NOPCHAP1: variants seen among roughly 807,000 people sequenced by gnomAD.
NOPCHAP1 encodes the protein NOP protein chaperone 1.
NOPCHAP1 carries 13 observed loss-of-function variants against 14.0 expected under a neutral mutation model. That is an observed-to-expected ratio of 0.93 (90% CI 0.60 to 1.47). NOPCHAP1 has a LOEUF of 1.47. Among genes scored for constraint, NOPCHAP1 ranks in the 40% most tolerant of loss-of-function variants. The probability of loss-of-function intolerance (pLI) is 0.00; values close to 1 mark genes in which losing one functional copy is unlikely to be tolerated. For synonymous variants in NOPCHAP1, 78 were observed against 78.4 expected (o/e 1.00, Z 0.03); for missense variants, 230 against 226.9 (o/e 1.01, Z -0.09).
chr12:104,998,084 A>T lies in NOPCHAP1; in HGVS notation c.*3388A>T, dbSNP rs1873533492. 2.0e-5 allele frequency: 3 copies of T among 152,100 alleles called. No individual in the cohort carries two copies. The highest frequency in any genetic ancestry group is 4.4e-5 in the Non-Finnish European group (3 of 68,032). The allele number at this position is 152,100 out of a possible 1,614,324, so 9.4% of individuals were successfully genotyped here. A position where few individuals can be genotyped will look rare whatever the true frequency, so the allele number is the denominator to read the frequency against. ...TCTTATAATGGCCGTTTTGTTTATCAGCTTCTGTATCATTTTATTGTAATC... is the reference window on the plus strand; with the variant it reads ...TCTTATAATGGCCGTTTTGTTTATCTGCTTCTGTATCATTTTATTGTAATC... On this transcript the variant is annotated 3_prime_UTR_variant, in exon 4 of 4. Transcript: ENST00000552951.
rs1199228578 is a variant in NOPCHAP1, at chr12:104,991,871, T to C, written c.339+23T>C. ...ATGGTAACTATGCTTTGTTTTCATA[T>C]GGTGAAATTACTGGTCTGCCTGTCA... is the stretch of plus-strand genomic sequence containing the variant. On this transcript the variant is annotated intron_variant, in intron 3 of 3. Transcript: ENST00000552951. The C allele has an allele frequency of 1.9e-6, 3 of 1,580,854 alleles. No homozygotes were observed. The Admixed American group carries it at 5.9e-5, about 31-fold the overall frequency.
intron 2 of NOPCHAP1, among the ~76,000 whole-genome samples, chr12:104,989,411 G>A (rs1394828606): frequency 6.6e-6 from 1 of 152,118 alleles, no homozygotes; most frequent in Non-Finnish European, 1.5e-5. Context: ...TTGACAGTGT[G>A]GTTTTTTGCT....
chr12:105,010,985 A>G lies in NOPCHAP1; in HGVS notation c.*16289A>G, dbSNP rs999247332. The G allele has an allele frequency of 6.6e-6, 1 of 152,238 alleles. No individual in the cohort carries two copies. Among genetic ancestry groups the G allele is most frequent in the Non-Finnish European group, 1.5e-5 (1 of 68,028 alleles). 9.4% of individuals were successfully genotyped at this position (152,238 alleles called of 1,614,324 possible). Reference sequence around the variant, plus strand: ...GGAGTGGAGAGTTCTGTAGATGTCTATTAAGCACACTTGGTCCAGAGCTGA... The same window carrying G: ...GGAGTGGAGAGTTCTGTAGATGTCTGTTAAGCACACTTGGTCCAGAGCTGA... On this transcript the variant is annotated 3_prime_UTR_variant, in exon 4 of 4. Transcript: ENST00000552951.
rs1181514760 is a variant in NOPCHAP1, at chr12:105,004,539, G to A, written c.*9843G>A. The A allele has an allele frequency of 1.3e-5, 2 of 152,128 alleles. No homozygotes were observed. The highest frequency in any genetic ancestry group is 2.9e-5 in the Non-Finnish European group (2 of 68,036). 9.4% of individuals were successfully genotyped at this position (152,128 alleles called of 1,614,324 possible). On this transcript the variant is annotated 3_prime_UTR_variant, in exon 4 of 4. Coordinates refer to ENST00000552951, the MANE Select transcript of NOPCHAP1 (RefSeq NM_152318.3). The stretch of plus-strand genomic sequence containing the variant: ...TGAGCTCACTGGAGGCTGGGTGACA[G>A]AGCAAGACTGTGTCTCAAAACAAAT...
rs1175150895 is a variant in NOPCHAP1, at chr12:105,007,281, C to T, written c.*12585C>T. Reference sequence around the variant, plus strand: ...TTTGTGCCCGCTAGCGTAGCTGCAGCAATGGCTTCACAAATTTCCTTTTCT... The same window carrying T: ...TTTGTGCCCGCTAGCGTAGCTGCAGTAATGGCTTCACAAATTTCCTTTTCT... On this transcript the variant is annotated 3_prime_UTR_variant, in exon 4 of 4. Transcript: ENST00000552951. 6.6e-6 allele frequency: 1 copy of T among 152,172 alleles called. No individual in the cohort carries two copies. Among genetic ancestry groups the T allele is most frequent in the African/African-American group, 2.4e-5 (1 of 41,436 alleles). 9.4% of individuals were successfully genotyped at this position (152,172 alleles called of 1,614,324 possible).
intron 3 of NOPCHAP1, among the ~76,000 whole-genome samples, chr12:104,992,558 T>C (rs1336410972): frequency 6.6e-6 from 1 of 152,012 alleles, no homozygotes; most frequent in Non-Finnish European, 1.5e-5. Context: ...CTTCAAAGGG[T>C]CCATATGATC....
rs1873934232 is a variant in NOPCHAP1, at chr12:105,015,898, A to G, written c.*21202A>G. The G allele has an allele frequency of 2.0e-5, 3 of 152,110 alleles. No individual in the cohort carries two copies. In the South Asian group the frequency reaches 6.2e-4, roughly 32 times the overall value. 9.4% of individuals were successfully genotyped at this position (152,110 alleles called of 1,614,324 possible). Reference sequence around the variant, plus strand: ...TATCATATGCAAAGATAAATTATATATGGATTAAGGATTTAAATGTAAAAA... The same window carrying G: ...TATCATATGCAAAGATAAATTATATGTGGATTAAGGATTTAAATGTAAAAA... On this transcript the variant is annotated 3_prime_UTR_variant, in exon 4 of 4. Transcript: ENST00000552951.
rs555988466 is a variant in NOPCHAP1, at chr12:105,012,100, C to T, written c.*17404C>T. ...TGAAGAGTGTTTTCCAACTTGGTTC[C>T]ATTCTCCCTGTCACTTTCAGGTACA... On this transcript the variant is annotated 3_prime_UTR_variant, in exon 4 of 4. Transcript: ENST00000552951. 1 of 152,314 alleles carries T rather than the reference C, an allele frequency of 6.6e-6. No homozygotes were observed. Among genetic ancestry groups the T allele is most frequent in the South Asian group, 2.1e-4 (1 of 4,826 alleles). The allele number at this position is 152,314 out of a possible 1,614,324, so 9.4% of individuals were successfully genotyped here.
chr12:104,988,299 G>A, intron 2 of NOPCHAP1, 46 bp downstream of exon 2: 3 of 1,463,072 alleles, frequency 2.1e-6, no homozygotes, highest in Non-Finnish European at 2.9e-6. Flanking sequence ...GCTGAGTTTT[G>A]TCTGATTAAG....
At position 104,997,102 on chromosome 12, in the gene NOPCHAP1, T is replaced by C. The variant is rs574802507; in HGVS notation, c.*2406T>C. 1 of 152,340 alleles carries C rather than the reference T, an allele frequency of 6.6e-6. No homozygotes were observed. The highest frequency in any genetic ancestry group is 1.9e-4 in the East Asian group (1 of 5,190). 9.4% of individuals were successfully genotyped at this position (152,340 alleles called of 1,614,324 possible). A position where few individuals can be genotyped will look rare whatever the true frequency, so the allele number is the denominator to read the frequency against. On this transcript the variant is annotated 3_prime_UTR_variant, in exon 4 of 4. Transcript: ENST00000552951. ...CATTTACATTCAAGGTTAGTATTGA[T>C]ATGTGTGCATTTGATCCTGTCATCA...
Position 105,004,939 on chromosome 12 carries a change from G to T in NOPCHAP1, c.*10243G>T, listed in dbSNP as rs1414144441. Reference sequence around the variant, plus strand: ...TTACAATAAAGTAAGCTACGGAAAAGAAAATATCACTAAGGAAATCAGGAA... The same window carrying T: ...TTACAATAAAGTAAGCTACGGAAAATAAAATATCACTAAGGAAATCAGGAA... On this transcript the variant is annotated 3_prime_UTR_variant, in exon 4 of 4. Transcript: ENST00000552951. 2.0e-5 allele frequency: 3 copies of T among 152,110 alleles called. No homozygotes were observed. Among genetic ancestry groups the T allele is most frequent in the East Asian group, 3.8e-4 (2 of 5,198 alleles). The allele number at this position is 152,110 out of a possible 1,614,324, so 9.4% of individuals were successfully genotyped here.
chr12:104,988,283 T>G lies in NOPCHAP1; in HGVS notation c.202+30T>G, dbSNP rs766740251. On this transcript the variant is annotated intron_variant, in intron 2 of 3. Coordinates refer to ENST00000552951, the MANE Select transcript of NOPCHAP1 (RefSeq NM_152318.3). ...GTACCTCTTCCCCTCTCTCACCCTC[T>G]CTAATGCTGAGTTTTGTCTGATTAA... 3.3e-6 allele frequency: 5 copies of G among 1,530,320 alleles called. No homozygotes were observed. In the South Asian group the frequency reaches 5.7e-5, roughly 18 times the overall value. 94.8% of individuals were successfully genotyped at this position (1,530,320 alleles called of 1,614,324 possible).
chr12:105,012,220 T>A lies in NOPCHAP1; in HGVS notation c.*17524T>A, dbSNP rs906453517. 6.6e-6 allele frequency: 1 copy of A among 152,226 alleles called. No homozygotes were observed. The highest frequency in any genetic ancestry group is 2.4e-5 in the African/African-American group (1 of 41,452). The allele number at this position is 152,226 out of a possible 1,614,324, so 9.4% of individuals were successfully genotyped here. Reference sequence around the variant, plus strand: ...TTTTTTCTCTAATCTGTCTTCACGCTTTATTTCATTAAGTTGATCTTCAAT... The same window carrying A: ...TTTTTTCTCTAATCTGTCTTCACGCATTATTTCATTAAGTTGATCTTCAAT... On this transcript the variant is annotated 3_prime_UTR_variant, in exon 4 of 4. Transcript: ENST00000552951.
At chr12:104,991,456 G>T (rs1446874407) in intron 2 of NOPCHAP1, among the ~76,000 whole-genome samples, 1 of 152,150 alleles carries the variant, frequency 6.6e-6, no homozygotes, top group Non-Finnish European at 1.5e-5. Context: ...GTTACTATTT[G>T]TTGAATGCCA....
In NOPCHAP1 at chr12:104,996,205, C is replaced by T. The variant is rs1011396103; in HGVS notation, c.*1509C>T. On this transcript the variant is annotated 3_prime_UTR_variant, in exon 4 of 4. Transcript: ENST00000552951. ...CTGTAGACCAATACAGGCAGACCCT[C>T]TGAGGCTGGAAAAGAGGGCTACCTA... 8 of 152,116 alleles carry T rather than the reference C, an allele frequency of 5.3e-5. No homozygotes were observed. The highest frequency in any genetic ancestry group is 1.9e-4 in the African/African-American group (8 of 41,410). 9.4% of individuals were successfully genotyped at this position (152,116 alleles called of 1,614,324 possible).
Position 104,991,719 on chromosome 12 carries a change from C to T in NOPCHAP1, c.210C>T (p.Asp70=). 6.2e-7 allele frequency: 1 copy of T among 1,609,876 alleles called. No individual in the cohort carries two copies. Among genetic ancestry groups the T allele is most frequent in the Non-Finnish European group, 8.5e-7 (1 of 1,178,952 alleles). Residue 70 remains aspartate, a synonymous_variant, in exon 3 of 4, where the codon GAC becomes GAT. Transcript: ENST00000552951. Reference sequence around the variant, plus strand: ...TGTATTTACTTTCCACAGTATTGGACCAGGTACAGACATTTCTCCCACAGA... The same window carrying T: ...TGTATTTACTTTCCACAGTATTGGATCAGGTACAGACATTTCTCCCACAGA... ...TVRIERSPLL[D]QVQTFLPQMA... is the part of the protein sequence containing the mutation.
At position 105,015,206 on chromosome 12, in the gene NOPCHAP1, A is replaced by G. The variant is rs1234425939; in HGVS notation, c.*20510A>G. The G allele has an allele frequency of 6.6e-6, 1 of 152,216 alleles. No individual in the cohort carries two copies. The highest frequency in any genetic ancestry group is 1.5e-5 in the Non-Finnish European group (1 of 68,042). The allele number at this position is 152,216 out of a possible 1,614,324, so 9.4% of individuals were successfully genotyped here. ...TTTTCAGCTGGAAAGAGTACACCAG[A>G]ACTGTACACAGCCGTGATGAGTTAT... On this transcript the variant is annotated 3_prime_UTR_variant, in exon 4 of 4. Transcript: ENST00000552951.
rs1357574349 is a variant in NOPCHAP1, at chr12:105,007,941, A to C, written c.*13245A>C. The C allele has an allele frequency of 6.6e-6, 1 of 152,196 alleles. No homozygotes were observed. Among genetic ancestry groups the C allele is most frequent in the Non-Finnish European group, 1.5e-5 (1 of 68,038 alleles). The allele number at this position is 152,196 out of a possible 1,614,324, so 9.4% of individuals were successfully genotyped here. ...TTTGGGTTGGTTCCAAGTCTTTGCT[A>C]TTGTGAGCAGTGCTGCAGTAAACAT... On this transcript the variant is annotated 3_prime_UTR_variant, in exon 4 of 4. Transcript: ENST00000552951.
Position 105,010,621 on chromosome 12 carries a change from A to G in NOPCHAP1, c.*15925A>G, listed in dbSNP as rs1873800668. 6.6e-6 allele frequency: 1 copy of G among 152,190 alleles called. No individual in the cohort carries two copies. The highest frequency in any genetic ancestry group is 2.1e-4 in the South Asian group (1 of 4,826). 9.4% of individuals were successfully genotyped at this position (152,190 alleles called of 1,614,324 possible). ...TTCTCCTGTGGGCATTTAGTGCTATAAATTTCCCTCTAAACACTGCTTTAG... is the reference window on the plus strand; with the variant it reads ...TTCTCCTGTGGGCATTTAGTGCTATGAATTTCCCTCTAAACACTGCTTTAG... On this transcript the variant is annotated 3_prime_UTR_variant, in exon 4 of 4. Coordinates refer to ENST00000552951, the MANE Select transcript of NOPCHAP1 (RefSeq NM_152318.3).
Sources: allele counts gnomAD v4.1 joint callset (sites outside exome capture counted in the v4.1 genomes callset), GRCh38; gene constraint gnomAD v4.1.1; transcripts MANE v1.5; gene names NCBI Gene and HGNC (gene_info 2026-07-23, HGNC 2026-07-21).